Variants in SCNN1B observed in about 807,000 individuals in gnomAD.
SCNN1B encodes sodium channel epithelial 1 subunit beta.
In SCNN1B, 46 loss-of-function variants were observed where a neutral mutation model predicts 65.3. The ratio of observed to expected loss-of-function variants is 0.70; its 90% CI spans 0.56 to 0.90. The LOEUF (loss-of-function observed/expected upper bound fraction) is 0.90, where lower values mean the gene tolerates loss of function less well. SCNN1B is among the 40% of genes least tolerant of loss of function. The probability of loss-of-function intolerance (pLI) is 0.00; values close to 1 mark genes in which losing one functional copy is unlikely to be tolerated. For missense variants in SCNN1B, 751 were observed against 830.5 expected (o/e 0.90, Z 1.18); for synonymous variants, 349 against 330.6 (o/e 1.06, Z -0.60).
chr16:23,311,981 T>TG (rs1961354049), intron 1 of SCNN1B, among the ~76,000 whole-genome samples: 1 of 139,910 alleles, frequency 7.1e-6, no homozygotes, highest in Admixed American at 7.0e-5. Context: ...GGGGGTGCGG[T>TG]GGGGGAGCAG....
In SCNN1B at chr16:23,371,888, G is replaced by GA. The variant is rs762142010; in HGVS notation, c.1152+7dup. 1.1e-5 allele frequency: 17 copies of GA among 1,607,788 alleles called. No homozygotes were observed. In the Admixed American group the frequency reaches 1.2e-4, roughly 11 times the overall value. On this transcript the variant is annotated splice_donor_region_variant and intron_variant, in intron 7 of 12. Coordinates refer to ENST00000343070, the MANE Select transcript of SCNN1B (RefSeq NM_000336.3). ...AACACGACCTACTCCATCCAGGTGGGAAGGTGGTGCACGCCTCATGCCCCG... is the reference window on the plus strand; with the variant it reads ...AACACGACCTACTCCATCCAGGTGGGAAAGGTGGTGCACGCCTCATGCCCCG...
At chr16:23,316,928 A>G (rs1008790685) in intron 1 of SCNN1B, among the ~76,000 whole-genome samples, 2 of 152,112 alleles carry the variant, frequency 1.3e-5, no homozygotes, top group African/African-American at 4.8e-5. Context: ...CATCACCATC[A>G]CCATTCTCAC....
At chr16:23,300,993 C>CGTGTGTGTGTGTGTGT (rs60930177), upstream of SCNN1B, among the ~76,000 whole-genome samples, 2,364 of 148,416 alleles carry the variant, frequency 0.016, 33 homozygotes, top group South Asian at 0.027. Context: ...GTTAAAAACA[C>CGTGTGTGTGTGTGTGT]GTGTGTGTGT....
upstream of SCNN1B, among the ~76,000 whole-genome samples, chr16:23,300,711 C>T (rs948617838): frequency 6.6e-6 from 1 of 152,074 alleles, no homozygotes; most frequent in East Asian, 1.9e-4. Context: ...AGCAGTGGCA[C>T]ACACACCTTG....
intron 1 of SCNN1B, among the ~76,000 whole-genome samples, chr16:23,307,919 C>T (rs1006685360): frequency 4.6e-5 from 7 of 152,146 alleles, no homozygotes; most frequent in Non-Finnish European, 7.3e-5. Flanking sequence ...GTGGCACATG[C>T]CCGTAGTCCC....
At chr16:23,344,912 T>A (rs1435327383) in intron 1 of SCNN1B, among the ~76,000 whole-genome samples, 2 of 152,134 alleles carry the variant, frequency 1.3e-5, no homozygotes, top group Admixed American at 1.3e-4. Flanking sequence ...GAGGATCACC[T>A]GAGCCCGGGA....
At chr16:23,374,991 C>T (rs1392330577) in intron 7 of SCNN1B, among the ~76,000 whole-genome samples, 1 of 152,128 alleles carries the variant, frequency 6.6e-6, no homozygotes. Flanking sequence ...GTCCTCAGCA[C>T]CCTGTTTCAC....
chr16:23,377,887 G>C (rs1031244512), intron 10 of SCNN1B, among the ~76,000 whole-genome samples: 1 of 152,104 alleles, frequency 6.6e-6, no homozygotes, highest in Non-Finnish European at 1.5e-5. Context: ...CCTTTTAATA[G>C]GAGAGGGCCA....
intron 1 of SCNN1B, among the ~76,000 whole-genome samples, chr16:23,333,546 C>T: frequency 6.6e-6 from 1 of 152,208 alleles, no homozygotes; most frequent in East Asian, 1.9e-4. Flanking sequence ...TTAAAAATAA[C>T]AATAGCTGCC....
chr16:23,318,217 C>T (rs948489564), intron 1 of SCNN1B, among the ~76,000 whole-genome samples: 4 of 152,164 alleles, frequency 2.6e-5, no homozygotes, highest in Admixed American at 6.6e-5. Context: ...CAAACAGACA[C>T]GGTTTCAATT....
At position 23,375,797 on chromosome 16, in the gene SCNN1B, C is replaced by A. The variant is rs541022371; in HGVS notation, c.1212C>A (p.Tyr404Ter). 6.2e-7 allele frequency: 1 copy of A among 1,614,172 alleles called. No individual in the cohort carries two copies. Among genetic ancestry groups the A allele is most frequent in the South Asian group, 1.1e-5 (1 of 91,082 alleles). Reference protein sequence around the residue: ...HMIRNCNCGHYLYPLPRGEKY... With the variant: ...HMIRNCNCGH ...TCCGTAACTGCAACTGTGGCCACTA[C>A]CTGTACCCACTGCCCCGTGGGGAGA... The change falls in exon 8 of 13, where the codon TAC (tyrosine) becomes TAA (stop). Residue 404 changes from tyrosine (Y) to a stop codon, truncating the protein, a stop_gained. Transcript: ENST00000343070. LOFTEE classifies it high-confidence loss of function.
chr16:23,330,551 G>A (rs2142000694), intron 1 of SCNN1B, among the ~76,000 whole-genome samples: 1 of 152,240 alleles, frequency 6.6e-6, no homozygotes, highest in East Asian at 1.9e-4. Flanking sequence ...TGAGCTCTGA[G>A]GAATGAGATC....
chr16:23,331,872 G>A (rs1961819370), intron 1 of SCNN1B, among the ~76,000 whole-genome samples: 1 of 152,098 alleles, frequency 6.6e-6, no homozygotes. Flanking sequence ...GGGGTGGGAG[G>A]AACTTACACC....
chr16:23,299,925 A>G (rs1961049996), upstream of SCNN1B, among the ~76,000 whole-genome samples: 1 of 152,254 alleles, frequency 6.6e-6, no homozygotes, highest in South Asian at 2.1e-4. Flanking sequence ...ACAATAGCAA[A>G]GACTTGGAAC....
rs553996055 is a variant in SCNN1B at position 23,367,962 on chromosome 16, G to A, written c.880+3G>A. ...GGCCAACCCTGGAACTGAATTCGGTGAGTTTTGGTTTATCGTGGGGCCAGA... is the reference window on the plus strand; with the variant it reads ...GGCCAACCCTGGAACTGAATTCGGTAAGTTTTGGTTTATCGTGGGGCCAGA... On this transcript the variant is annotated splice_donor_region_variant and intron_variant, in intron 5 of 12. Coordinates refer to ENST00000343070, the MANE Select transcript of SCNN1B (RefSeq NM_000336.3). The A allele has an allele frequency of 6.2e-7, 1 of 1,610,180 alleles. No homozygotes were observed. Among genetic ancestry groups the A allele is most frequent in the South Asian group, 1.1e-5 (1 of 91,010 alleles).
intron 2 of SCNN1B, among the ~76,000 whole-genome samples, 183 bp downstream of exon 2, chr16:23,349,093 CTTTT>C (rs1440708401): frequency 6.7e-6 from 1 of 149,882 alleles, no homozygotes; most frequent in South Asian, 2.1e-4. Context: ...TCTTCCCTTT[CTTTT>C]TTCTTTTCTT....
chr16:23,377,043 T>G (rs1041416383), intron 8 of SCNN1B, 122 bp from the exon 9 acceptor site: 87 of 871,000 alleles, frequency 1.0e-4, no homozygotes, highest in Middle Eastern at 3.0e-4. Flanking sequence ...TCATGACACC[T>G]CCTCCTGCCA....
chr16:23,308,376 A>G (rs1168099339), intron 1 of SCNN1B, among the ~76,000 whole-genome samples: 1 of 152,114 alleles, frequency 6.6e-6, no homozygotes, highest in South Asian at 2.1e-4. Context: ...TTTAAAAATT[A>G]TCCAGGCATG....
chr16:23,304,203 G>C (rs2141978455), intron 1 of SCNN1B: 1 of 908,268 alleles, frequency 1.1e-6, no homozygotes, highest in South Asian at 1.5e-5. Flanking sequence ...TGAATTTAGG[G>C]GATGAGGTCC....
Sources: allele counts gnomAD v4.1 joint callset (sites outside exome capture counted in the v4.1 genomes callset), GRCh38; gene constraint gnomAD v4.1.1; transcripts MANE v1.5; gene names NCBI Gene and HGNC (gene_info 2026-07-23, HGNC 2026-07-21).